ZFPM2: variants seen among roughly 807,000 people sequenced by gnomAD.
The protein encoded by ZFPM2 is zinc finger protein, FOG family member 2.
In ZFPM2, 20 loss-of-function variants were observed where a neutral mutation model predicts 98.6. The ratio of observed to expected loss-of-function variants is 0.20; its 90% CI spans 0.14 to 0.29. The LOEUF (loss-of-function observed/expected upper bound fraction) is 0.29, where lower values mean the gene tolerates loss of function less well. Ranked by LOEUF, ZFPM2 falls within the 10% of genes least tolerant of loss-of-function variation. The probability of loss-of-function intolerance (pLI) is 1.00; values close to 1 mark genes in which losing one functional copy is unlikely to be tolerated. For missense variants in ZFPM2, 1,310 were observed against 1,388.6 expected (o/e 0.94, Z 0.90); for synonymous variants, 518 against 502.7 (o/e 1.03, Z -0.41).
At chr8:105,502,274 A>G in intron 3 of ZFPM2, among the ~76,000 whole-genome samples, 1 of 152,186 alleles carries the variant, frequency 6.6e-6, no homozygotes, top group Non-Finnish European at 1.5e-5. Context: ...AGTTGATTAT[A>G]CCCATTTTGA....
chr8:105,525,048 G>A (rs1175517196), intron 3 of ZFPM2, among the ~76,000 whole-genome samples: 1 of 152,158 alleles, frequency 6.6e-6, no homozygotes, highest in African/African-American at 2.4e-5. Context: ...ACAATCTTCT[G>A]CAGCAATTGA....
chr8:105,782,541 A>C (rs1157317755), intron 5 of ZFPM2: 2 of 152,222 alleles, frequency 1.3e-5, no homozygotes, highest in Non-Finnish European at 2.9e-5. Flanking sequence ...TAACAGTTTT[A>C]TCAATGAAGC....
chr8:105,633,132 T>C (rs1816783363), intron 4 of ZFPM2, among the ~76,000 whole-genome samples: 1 of 152,224 alleles, frequency 6.6e-6, no homozygotes, highest in Non-Finnish European at 1.5e-5. Flanking sequence ...CTGAAAGTTT[T>C]GAAATCACCA....
At chr8:105,795,097 G>A (rs1231010823) in intron 6 of ZFPM2, among the ~76,000 whole-genome samples, 5 of 152,202 alleles carry the variant, frequency 3.3e-5, no homozygotes, top group Non-Finnish European at 7.4e-5. Flanking sequence ...ACTGACCTGC[G>A]CCCACTGTCT....
rs1812587968 is a variant in ZFPM2, at chr8:105,456,159, TGTTTG to T, written c.301+11779_301+11783del. Among the ~76,000 whole-genome samples, 29 of 137,852 alleles carry T rather than the reference TGTTTG, an allele frequency of 2.1e-4. 1 individual carries two copies. Among genetic ancestry groups the T allele is most frequent in the South Asian group, 8.9e-4 (4 of 4,516 alleles). 90.4% of individuals were successfully genotyped at this position (137,852 alleles called of 152,430 possible). ...AACCAGGAAAATGTTTTTTTTTGTT[TGTTTG>T]TTTGTTTTTTTTTTAAGAAGGAAGG... is the stretch of plus-strand genomic sequence containing the variant. On this transcript the variant is annotated intron_variant, in intron 3 of 7. Transcript: ENST00000407775.
chr8:105,700,148 C>T (rs1335276799), intron 5 of ZFPM2, among the ~76,000 whole-genome samples: 2 of 152,118 alleles, frequency 1.3e-5, no homozygotes, highest in East Asian at 1.9e-4. Flanking sequence ...AACATCAAGT[C>T]GGCAAAGCAA....
At chr8:105,640,711 T>C (rs1382399203) in intron 5 of ZFPM2, among the ~76,000 whole-genome samples, 1 of 152,040 alleles carries the variant, frequency 6.6e-6, no homozygotes, top group African/African-American at 2.4e-5. Context: ...CACCTTAAAA[T>C]AGATAATCTG....
Position 105,802,363 on chromosome 8 carries a change from C to G in ZFPM2, c.2281C>G (p.Leu761Val). The G allele has an allele frequency of 6.2e-7, 1 of 1,613,816 alleles. No homozygotes were observed. Residue 761 changes from leucine to valine, a missense_variant, in exon 8 of 8, where the codon CTT (leucine) becomes GTT (valine). Leu to Val is a conservative substitution (Grantham distance 32). Transcript: ENST00000407775. Reference sequence around the variant, plus strand: ...GCCTCCACTGGTTCAGCAGAGATTTCTTGACGTAGCCAACCTCAATAATCC... The same window carrying G: ...GCCTCCACTGGTTCAGCAGAGATTTGTTGACGTAGCCAACCTCAATAATCC... ...QRPPLVQQRFLDVANLNNPCT... is the reference protein window; with the variant it reads ...QRPPLVQQRFVDVANLNNPCT...
intron 4 of ZFPM2, among the ~76,000 whole-genome samples, chr8:105,574,996 A>G (rs1437441827): frequency 3.3e-5 from 5 of 152,062 alleles, no homozygotes; most frequent in African/African-American, 4.8e-5. Context: ...GTGGAAAGAA[A>G]ATTTGTCCTT....
intron 4 of ZFPM2, among the ~76,000 whole-genome samples, chr8:105,616,514 C>A (rs1816417554): frequency 6.6e-6 from 1 of 152,058 alleles, no homozygotes; most frequent in Admixed American, 6.6e-5. Flanking sequence ...TAGGTCTTTT[C>A]ACAGAAATTT....
chr8:105,549,518 T>TCTTCCTTC (rs766530405), intron 3 of ZFPM2, among the ~76,000 whole-genome samples: 1,275 of 48,482 alleles, frequency 0.026, 38 homozygotes, highest in African/African-American at 0.099. Flanking sequence ...CTCCCTCCCA[T>TCTTCCTTC]CTTCCTTCCT....
chr8:105,699,467 G>C (rs1724631443), intron 5 of ZFPM2, among the ~76,000 whole-genome samples: 1 of 152,020 alleles, frequency 6.6e-6, no homozygotes, highest in Admixed American at 6.5e-5. Context: ...AAGCCACACT[G>C]GTATTTTTCT....
intron 4 of ZFPM2, among the ~76,000 whole-genome samples, chr8:105,562,611 G>T (rs775399731): frequency 1.3e-5 from 2 of 152,094 alleles, no homozygotes; most frequent in African/African-American, 2.4e-5. Flanking sequence ...TCTGAGGGCT[G>T]CCCGTGGCCC....
intron 1 of ZFPM2, among the ~76,000 whole-genome samples, chr8:105,369,093 C>A (rs1269017793): frequency 6.6e-6 from 1 of 152,106 alleles, no homozygotes; most frequent in Non-Finnish European, 1.5e-5. Context: ...TAAAACCACA[C>A]ATGAAGGAGC....
chr8:105,403,858 C>T (rs1256082920), intron 1 of ZFPM2, among the ~76,000 whole-genome samples: 1 of 152,006 alleles, frequency 6.6e-6, no homozygotes, highest in Non-Finnish European at 1.5e-5. Context: ...GATAGATACT[C>T]AGTTCATGCT....
intron 5 of ZFPM2, among the ~76,000 whole-genome samples, chr8:105,707,293 C>G (rs1304033155): frequency 6.6e-6 from 1 of 151,464 alleles, no homozygotes; most frequent in Non-Finnish European, 1.5e-5. Context: ...TTTTCTTACC[C>G]CAAATTCTCC....
At chr8:105,634,412 C>CA (rs150725884) in intron 5 of ZFPM2, 55 bp downstream of exon 5, 9 of 1,336,348 alleles carry the variant, frequency 6.7e-6, no homozygotes, top group Non-Finnish European at 8.5e-6. Flanking sequence ...CTGAGCATTG[C>CA]AAAACAGCAC....
chr8:105,395,944 T>C (rs1306648800), intron 1 of ZFPM2, among the ~76,000 whole-genome samples: 1 of 152,238 alleles, frequency 6.6e-6, no homozygotes, highest in Non-Finnish European at 1.5e-5. Context: ...ATATTACGAC[T>C]TCTGAGACTA....
intron 2 of ZFPM2, among the ~76,000 whole-genome samples, chr8:105,430,984 A>C (rs145281051): frequency 1.3e-5 from 2 of 150,622 alleles, no homozygotes; most frequent in Admixed American, 1.3e-4. Flanking sequence ...GCTCAGTGCA[A>C]CCTCTGTCTC....
Sources: allele counts gnomAD v4.1 joint callset (sites outside exome capture counted in the v4.1 genomes callset), GRCh38; gene constraint gnomAD v4.1.1; transcripts MANE v1.5; gene names NCBI Gene and HGNC (gene_info 2026-07-23, HGNC 2026-07-21).